The following AHCYL2 variants were observed in gnomAD, a reference collection of about 807,000 sequenced individuals.
The protein encoded by AHCYL2 is adenosylhomocysteinase like 2, also known as S-adenosylhomocysteine hydrolase-like protein 2.
Under a neutral mutation model 81.4 loss-of-function variants are expected in AHCYL2, and 28 were observed. The observed-to-expected ratio is 0.34, with a 90% CI of 0.25 to 0.47. AHCYL2 has a LOEUF of 0.47. Among genes scored for constraint, AHCYL2 ranks in the 20% least tolerant of loss-of-function variants. AHCYL2 has a pLI of 1.00. For missense variants in AHCYL2, 551 were observed against 785.1 expected, an observed-to-expected ratio of 0.70 and a Z score of 3.56; for synonymous variants, 272 against 290.2, an observed-to-expected ratio of 0.94 and a Z score of 0.64.
chr7:129,277,251 C>T (rs1319854519), intron 1 of AHCYL2, among the ~76,000 whole-genome samples: 1 of 150,064 alleles, frequency 6.7e-6, no homozygotes, highest in East Asian at 1.9e-4. Flanking sequence ...AGATAAAGAA[C>T]ATATTTATTA....
intron 1 of AHCYL2, among the ~76,000 whole-genome samples, chr7:129,355,130 G>A (rs1394419184): frequency 6.6e-6 from 1 of 152,148 alleles, no homozygotes; most frequent in African/African-American, 2.4e-5. Flanking sequence ...GGTCAAACAT[G>A]ACAATGGTCT....
intron 1 of AHCYL2, among the ~76,000 whole-genome samples, chr7:129,268,371 G>A (rs1037828574): frequency 2.6e-5 from 4 of 151,818 alleles, no homozygotes; most frequent in South Asian, 2.1e-4. Flanking sequence ...TTTTTGAGAC[G>A]GAGTCTTACT....
At chr7:129,396,369 C>G (rs1405663208) in intron 4 of AHCYL2, among the ~76,000 whole-genome samples, 1 of 152,024 alleles carries the variant, frequency 6.6e-6, no homozygotes, top group Non-Finnish European at 1.5e-5. Flanking sequence ...TTGTGATCTG[C>G]CCGCCTCGGC....
chr7:129,324,173 G>A (rs1212815001), intron 1 of AHCYL2, among the ~76,000 whole-genome samples: 3 of 152,110 alleles, frequency 2.0e-5, no homozygotes, highest in Non-Finnish European at 4.4e-5. Flanking sequence ...ATGAGCCACC[G>A]TGCCCTGCCC....
intron 6 of AHCYL2, among the ~76,000 whole-genome samples, chr7:129,402,008 G>A (rs1428832375): frequency 6.6e-6 from 1 of 152,196 alleles, no homozygotes; most frequent in Non-Finnish European, 1.5e-5. Context: ...AGAATTATGG[G>A]CAGCATTCAT....
At chr7:129,318,816 G>C (rs1350222816) in intron 1 of AHCYL2, among the ~76,000 whole-genome samples, 1 of 151,666 alleles carries the variant, frequency 6.6e-6, no homozygotes, top group African/African-American at 2.4e-5. Flanking sequence ...AGTAAGTTTT[G>C]GGGGAACAGG....
chr7:129,310,829 G>A (rs924151900), intron 1 of AHCYL2, among the ~76,000 whole-genome samples: 1 of 152,150 alleles, frequency 6.6e-6, no homozygotes, highest in Non-Finnish European at 1.5e-5. Flanking sequence ...GACTTGATGG[G>A]CCAGGCGTGG....
intron 1 of AHCYL2, among the ~76,000 whole-genome samples, chr7:129,315,304 A>T (rs1397213596): frequency 1.1e-4 from 17 of 152,102 alleles, no homozygotes; most frequent in Admixed American, 1.1e-3. Context: ...CTTGGCTTGG[A>T]ATTCAAAGCA....
At chr7:129,265,138 T>C (rs1795771352) in intron 1 of AHCYL2, among the ~76,000 whole-genome samples, 1 of 152,218 alleles carries the variant, frequency 6.6e-6, no homozygotes, top group Admixed American at 6.5e-5. Context: ...CCACAGGGAT[T>C]AGAGACCCAG....
chr7:129,244,196 G>A (rs1372800218), intron 1 of AHCYL2, among the ~76,000 whole-genome samples: 1 of 149,592 alleles, frequency 6.7e-6, no homozygotes, highest in African/African-American at 2.5e-5. Flanking sequence ...TAGATACAGA[G>A]TCTTGCTATG....
At chr7:129,307,540 A>G (rs993074287) in intron 1 of AHCYL2, among the ~76,000 whole-genome samples, 1 of 151,996 alleles carries the variant, frequency 6.6e-6, no homozygotes, top group African/African-American at 2.4e-5. Context: ...TAGAAATGCA[A>G]TGCAAGAGCC....
chr7:129,264,134 G>T (rs2150719381), intron 1 of AHCYL2, among the ~76,000 whole-genome samples: 1 of 152,308 alleles, frequency 6.6e-6, no homozygotes, highest in South Asian at 2.1e-4. Context: ...CCATTCTCCT[G>T]CTTCAGCCTC....
chr7:129,339,979 C>A (rs1281458093), intron 1 of AHCYL2, among the ~76,000 whole-genome samples: 2 of 129,786 alleles, frequency 1.5e-5, no homozygotes, highest in Non-Finnish European at 3.1e-5. Flanking sequence ...AGTGCAGTGA[C>A]GTGATCTCGG....
rs961004203 is a variant in AHCYL2 at position 129,259,410 on chromosome 7, A to G, written c.363+33971A>G. On this transcript the variant is annotated intron_variant, in intron 1 of 16. Coordinates refer to ENST00000325006, the MANE Select transcript of AHCYL2 (RefSeq NM_015328.4). ...TTGTACTCCTAACCTTTGAATTTCA[A>G]GTCATAAGATTGTAAGTTTTAGAGT... 2.0e-5 allele frequency among the ~76,000 whole-genome samples: 3 copies of G among 152,200 alleles called. No homozygotes were observed. In the East Asian group the frequency reaches 5.8e-4, roughly 29 times the overall value.
At chr7:129,225,661 C>T (rs956789718) in intron 1 of AHCYL2, among the ~76,000 whole-genome samples, 1 of 152,290 alleles carries the variant, frequency 6.6e-6, no homozygotes. Flanking sequence ...CTCTGAATAA[C>T]ATGGAGGTAG....
At chr7:129,285,051 A>G (rs1344786144) in intron 1 of AHCYL2, among the ~76,000 whole-genome samples, 1 of 152,240 alleles carries the variant, frequency 6.6e-6, no homozygotes, top group East Asian at 1.9e-4. Flanking sequence ...AGTGCTGCTC[A>G]GGGGTTAATA....
At chr7:129,299,056 A>C (rs1472570540) in intron 1 of AHCYL2, among the ~76,000 whole-genome samples, 1 of 152,136 alleles carries the variant, frequency 6.6e-6, no homozygotes, top group Non-Finnish European at 1.5e-5. Flanking sequence ...GGAAACCAAA[A>C]ATTTGAATTT....
intron 1 of AHCYL2, among the ~76,000 whole-genome samples, chr7:129,313,098 G>T (rs1482935046): frequency 2.6e-5 from 4 of 152,078 alleles, no homozygotes; most frequent in African/African-American, 9.7e-5. Context: ...AGGGATTTTT[G>T]TTCTGCTACA....
At position 129,225,506 on chromosome 7, in the gene AHCYL2, A is replaced by G. The variant is rs1013954554; in HGVS notation, c.363+67A>G. The G allele has an allele frequency of 2.1e-6, 3 of 1,421,684 alleles. No individual in the cohort carries two copies. In the African/African-American group the frequency reaches 4.5e-5, roughly 21 times the overall value. 88.1% of individuals were successfully genotyped at this position (1,421,684 alleles called of 1,614,324 possible). ...GAGGGGAACTGCAGATCCTCTCGGC[A>G]CGGCGGCACCACCCTCCACGCCCTC... On this transcript the variant is annotated intron_variant, in intron 1 of 16. Transcript: ENST00000325006.
Sources: allele counts gnomAD v4.1 joint callset (sites outside exome capture counted in the v4.1 genomes callset), GRCh38; gene constraint gnomAD v4.1.1; transcripts MANE v1.5; gene names NCBI Gene and HGNC (gene_info 2026-07-23, HGNC 2026-07-21).